The following FARS2 variants were observed in gnomAD, a reference collection of about 807,000 sequenced individuals.
FARS2 encodes phenylalanine--tRNA ligase, mitochondrial.
A neutral mutation model predicts 46.4 loss-of-function variants in FARS2; 40 were observed. The observed-to-expected ratio is 0.86, with a 90% CI of 0.67 to 1.12. FARS2 has a LOEUF of 1.12. FARS2 is among the 50% of genes most tolerant of loss of function. The probability of loss-of-function intolerance (pLI) is 0.00; values close to 1 mark genes in which losing one functional copy is unlikely to be tolerated. For missense variants in FARS2, 513 were observed against 567.9 expected, an observed-to-expected ratio of 0.90 and a Z score of 0.98; for synonymous variants, 234 against 214.9, an observed-to-expected ratio of 1.09 and a Z score of -0.78.
At chr6:5,689,038 A>G (rs897736392) in intron 6 of FARS2, among the ~76,000 whole-genome samples, 26 of 152,226 alleles carry the variant, frequency 1.7e-4, no homozygotes, top group South Asian at 6.2e-4. Context: ...CTGTGGGATC[A>G]GTGGTGATAT....
At chr6:5,686,444 C>T (rs866237795) in intron 6 of FARS2, among the ~76,000 whole-genome samples, 1 of 151,952 alleles carries the variant, frequency 6.6e-6, no homozygotes, top group African/African-American at 2.4e-5. Context: ...TGAGTGAGAA[C>T]ATGTGGTGTT....
At chr6:5,685,266 C>T (rs1757107294) in intron 6 of FARS2, among the ~76,000 whole-genome samples, 1 of 152,142 alleles carries the variant, frequency 6.6e-6, no homozygotes, top group Non-Finnish European at 1.5e-5. Flanking sequence ...ATAAAGGATT[C>T]ATTATTTTTG....
At chr6:5,708,024 G>A (rs1022015110) in intron 6 of FARS2, among the ~76,000 whole-genome samples, 1 of 152,206 alleles carries the variant, frequency 6.6e-6, no homozygotes, top group African/African-American at 2.4e-5. Flanking sequence ...TGGAGAATAA[G>A]CAAGAATTCC....
intron 3 of FARS2, among the ~76,000 whole-genome samples, chr6:5,410,161 T>G (rs1372888874): frequency 6.6e-6 from 1 of 150,992 alleles, no homozygotes; most frequent in Non-Finnish European, 1.5e-5. Context: ...TTTTTTGTTT[T>G]TTTTTTTTTT....
intron 1 of FARS2, among the ~76,000 whole-genome samples, chr6:5,303,318 C>T (rs1243665808): frequency 4.6e-5 from 7 of 152,152 alleles, no homozygotes; most frequent in Non-Finnish European, 7.3e-5. Context: ...AGAGCAGCAC[C>T]TGGGACTGAC....
At chr6:5,415,313 T>TTC (rs1318019307) in intron 3 of FARS2, among the ~76,000 whole-genome samples, 7 of 43,842 alleles carry the variant, frequency 1.6e-4, no homozygotes, top group Admixed American at 2.6e-4. Context: ...TTCTTTTCTT[T>TTC]TTTTTTTTTT....
At chr6:5,709,593 G>A (rs1231318304) in intron 6 of FARS2, among the ~76,000 whole-genome samples, 1 of 151,980 alleles carries the variant, frequency 6.6e-6, no homozygotes, top group African/African-American at 2.4e-5. Flanking sequence ...TGTTTTAGAA[G>A]GAAAGTTTCT....
At chr6:5,551,422 A>G (rs890431587) in intron 5 of FARS2, among the ~76,000 whole-genome samples, 2 of 152,162 alleles carry the variant, frequency 1.3e-5, no homozygotes, top group African/African-American at 4.8e-5. Flanking sequence ...AGTCTATAAC[A>G]TCCATATTTC....
chr6:5,519,073 A>G (rs1189578198), intron 4 of FARS2, among the ~76,000 whole-genome samples: 1 of 152,244 alleles, frequency 6.6e-6, no homozygotes. Flanking sequence ...TGTATAACAT[A>G]CAGAATTCTA....
intron 5 of FARS2, among the ~76,000 whole-genome samples, chr6:5,550,271 T>TA: frequency 6.6e-6 from 1 of 152,310 alleles, no homozygotes; most frequent in South Asian, 2.1e-4. Context: ...ATCCTTCTTT[T>TA]TTAAAGTTCT....
intron 6 of FARS2, among the ~76,000 whole-genome samples, chr6:5,682,199 T>C (rs575481981): frequency 7.2e-5 from 11 of 152,160 alleles, no homozygotes; most frequent in African/African-American, 2.6e-4. Context: ...GGTTGCAGCA[T>C]CAAAAAGTAT....
At chr6:5,618,615 T>C (rs1775600157) in intron 6 of FARS2, among the ~76,000 whole-genome samples, 1 of 152,184 alleles carries the variant, frequency 6.6e-6, no homozygotes, top group Non-Finnish European at 1.5e-5. Context: ...GGAGAAATTT[T>C]TTCTTGATTA....
intron 1 of FARS2, among the ~76,000 whole-genome samples, chr6:5,300,511 A>G (rs1176772999): frequency 6.6e-6 from 1 of 152,154 alleles, no homozygotes; most frequent in Non-Finnish European, 1.5e-5. Context: ...CTGGGAATGT[A>G]GCTCTCTTCT....
intron 1 of FARS2, among the ~76,000 whole-genome samples, chr6:5,323,303 C>T (rs1022407418): frequency 3.3e-5 from 5 of 151,918 alleles, no homozygotes; most frequent in African/African-American, 4.8e-5. Context: ...TTTTAAAGAC[C>T]GACTGGGTCA....
intron 6 of FARS2, chr6:5,668,002 T>C (rs1778231379): frequency 6.6e-6 from 1 of 152,254 alleles, no homozygotes; most frequent in Admixed American, 6.5e-5. Context: ...TCTCCTGCTC[T>C]ATTACTTCGT....
intron 1 of FARS2, among the ~76,000 whole-genome samples, chr6:5,270,892 T>C (rs1765898525): frequency 6.6e-6 from 1 of 152,200 alleles, no homozygotes; most frequent in Non-Finnish European, 1.5e-5. Flanking sequence ...TGCCCTTCCT[T>C]CCCTTGCTAA....
At chr6:5,585,489 C>G (rs1408500991) in intron 5 of FARS2, among the ~76,000 whole-genome samples, 2 of 152,054 alleles carry the variant, frequency 1.3e-5, no homozygotes, top group Admixed American at 1.3e-4. Context: ...CACCCCCATC[C>G]CCTGGCAACC....
At chr6:5,620,751 C>G (rs988080188) in intron 6 of FARS2, among the ~76,000 whole-genome samples, 5 of 152,218 alleles carry the variant, frequency 3.3e-5, no homozygotes, top group African/African-American at 9.7e-5. Flanking sequence ...ATGGTCTCAA[C>G]AAAGGGACCG....
At position 5,494,348 on chromosome 6, in the gene FARS2, T is replaced by C. The variant is rs555717600; in HGVS notation, c.905-50832T>C. ...AGTTCACAAAGAAGGCGGAGAACGC[T>C]CAGGAGGCCTGCCAAGCTCCTGTAG... On this transcript the variant is annotated intron_variant, in intron 4 of 6. Transcript: ENST00000274680. 3.3e-5 allele frequency among the ~76,000 whole-genome samples: 5 copies of C among 152,266 alleles called. No individual in the cohort carries two copies. The South Asian group carries it at 1.0e-3, about 32-fold the overall frequency.
Sources: allele counts gnomAD v4.1 joint callset (sites outside exome capture counted in the v4.1 genomes callset), GRCh38; gene constraint gnomAD v4.1.1; transcripts MANE v1.5; gene names NCBI Gene and HGNC (gene_info 2026-07-23, HGNC 2026-07-21).